GAS7: variants seen among roughly 807,000 people sequenced by gnomAD.
GAS7 encodes the protein growth arrest specific 7, also known as growth arrest-specific protein 7.
GAS7 carries 28 observed loss-of-function variants against 71.1 expected under a neutral mutation model. That is an observed-to-expected ratio of 0.39 (90% CI 0.29 to 0.54). The LOEUF is 0.54. GAS7 is among the 20% of genes least tolerant of loss of function. The pLI is 0.62. For synonymous variants in GAS7, 258 were observed against 245.8 expected, an observed-to-expected ratio of 1.05 and a Z score of -0.46; for missense variants, 436 against 627.8, an observed-to-expected ratio of 0.69 and a Z score of 3.27.
intron 1 of GAS7, among the ~76,000 whole-genome samples, chr17:10,040,652 T>C (rs1334954587): frequency 2.0e-5 from 3 of 147,254 alleles, no homozygotes; most frequent in African/African-American, 7.6e-5. Context: ...ACTTGCAAAA[T>C]GGTCCCAAAC....
chr17:9,965,725 C>A (rs1239201170), intron 4 of GAS7, among the ~76,000 whole-genome samples: 2 of 152,206 alleles, frequency 1.3e-5, no homozygotes, highest in Non-Finnish European at 2.9e-5. Context: ...CGCCTCTGCC[C>A]CCGAATCAGG....
At chr17:10,194,722 C>A (rs1009155174) in intron 1 of GAS7, among the ~76,000 whole-genome samples, 1 of 152,048 alleles carries the variant, frequency 6.6e-6, no homozygotes, top group African/African-American at 2.4e-5. Context: ...GCCTGTAATC[C>A]CAGCACTTTG....
intron 1 of GAS7, among the ~76,000 whole-genome samples, chr17:10,075,310 G>C (rs1345564021): frequency 6.6e-6 from 1 of 151,404 alleles, no homozygotes; most frequent in Non-Finnish European, 1.5e-5. Context: ...AGCTGTGATT[G>C]TGCCACTGTA....
chr17:10,186,694 C>A (rs2074456479), intron 1 of GAS7, among the ~76,000 whole-genome samples: 1 of 152,146 alleles, frequency 6.6e-6, no homozygotes, highest in Non-Finnish European at 1.5e-5. Flanking sequence ...GCGTGAGCCA[C>A]CGTGCCCGGC....
chr17:10,034,116 C>A lies in GAS7; in HGVS notation c.184-14219G>T. 1 of 985,236 alleles carries A rather than the reference C, an allele frequency of 1.0e-6. No individual in the cohort carries two copies. Among genetic ancestry groups the A allele is most frequent in the Non-Finnish European group, 1.2e-6 (1 of 829,770 alleles). The allele number at this position is 985,236 out of a possible 1,614,324, so 61.0% of individuals were successfully genotyped here. ...TATGGAGATGTGAGACCTACCACTG[C>A]TCTGTGCCACCGTGCGAAGAACACA... On this transcript the variant is annotated intron_variant, in intron 1 of 13. Transcript: ENST00000432992. This position sits in a 1 kb window ranked among gnomAD's most constrained non-coding sequence, Gnocchi z 4.4.
In GAS7 at chr17:9,919,257, C is replaced by T. The variant is rs1266926999; in HGVS notation, c.1218+369G>A. On this transcript the variant is annotated intron_variant, in intron 12 of 13. Coordinates refer to ENST00000432992, the MANE Select transcript of GAS7 (RefSeq NM_201433.2). This position sits in a 1 kb window ranked among gnomAD's most constrained non-coding sequence, Gnocchi z 5.0. ...AGGATCTCCTACCAAGGACCTGCAACTCGTGTGTGTGCATGTGTGGGGCGG... is the reference window on the plus strand; with the variant it reads ...AGGATCTCCTACCAAGGACCTGCAATTCGTGTGTGTGCATGTGTGGGGCGG... 2.0e-5 allele frequency among the ~76,000 whole-genome samples: 3 copies of T among 152,274 alleles called. No individual in the cohort carries two copies. Among genetic ancestry groups the T allele is most frequent in the East Asian group, 3.9e-4 (2 of 5,170 alleles).
intron 5 of GAS7, among the ~76,000 whole-genome samples, chr17:9,957,095 C>T (rs977589597): frequency 1.3e-5 from 2 of 150,888 alleles, no homozygotes; most frequent in African/African-American, 4.9e-5. Context: ...TGACCTCTGG[C>T]CAGTCGCTCC....
rs912710213 is a variant in GAS7, at chr17:9,919,180, C to T, written c.1218+446G>A. ...CCTGTTGTTCACCCTTGGTGAGAGGCCTCCCCCACCCCACTGCCTAGCTCC... is the reference window on the plus strand; with the variant it reads ...CCTGTTGTTCACCCTTGGTGAGAGGTCTCCCCCACCCCACTGCCTAGCTCC... On this transcript the variant is annotated intron_variant, in intron 12 of 13. Transcript: ENST00000432992. The surrounding 1 kb of genome is among the most constrained non-coding windows in gnomAD (Gnocchi z 5.0). Among the ~76,000 whole-genome samples, 12 of 93,992 alleles carry T rather than the reference C, an allele frequency of 1.3e-4. No individual in the cohort carries two copies. Among genetic ancestry groups the T allele is most frequent in the African/African-American group, 2.3e-4 (8 of 35,482 alleles). The allele number at this position is 93,992 out of a possible 152,430, so 61.7% of individuals were successfully genotyped here. A position where few individuals can be genotyped will look rare whatever the true frequency, so the allele number is the denominator to read the frequency against.
intron 2 of GAS7, among the ~76,000 whole-genome samples, chr17:10,002,188 T>G (rs2071293967): frequency 6.6e-6 from 1 of 152,172 alleles, no homozygotes; most frequent in Non-Finnish European, 1.5e-5. Flanking sequence ...AAATCTGAAA[T>G]CAAGATACTG....
intron 1 of GAS7, among the ~76,000 whole-genome samples, chr17:10,133,116 T>TATATATATATATATATATA (rs1319814933): frequency 2.1e-5 from 3 of 144,368 alleles, no homozygotes; most frequent in Non-Finnish European, 4.5e-5. Context: ...GATTATATAT[T>TATATATATATATATATATA]TTTATATTTT....
chr17:10,147,324 G>A (rs749088800), intron 1 of GAS7, among the ~76,000 whole-genome samples: 1 of 152,172 alleles, frequency 6.6e-6, no homozygotes, highest in Non-Finnish European at 1.5e-5. Context: ...TGGGGCTTGG[G>A]TGGGGGCAGA....
At chr17:10,113,716 G>T (rs1405114600) in intron 1 of GAS7, among the ~76,000 whole-genome samples, 6 of 152,148 alleles carry the variant, frequency 3.9e-5, no homozygotes, top group African/African-American at 1.4e-4. Flanking sequence ...ACTTCTGGAA[G>T]TACCCACAAG....
rs570537211 is a variant in GAS7, at chr17:10,137,075, C to T, written c.183+61133G>A. On this transcript the variant is annotated intron_variant, in intron 1 of 13. Transcript: ENST00000432992. ...GTTGCACTGAGCTGAGATCACGCCA[C>T]TGCACTACAGCCTGGGCAACCGAGC... Among the ~76,000 whole-genome samples the T allele has an allele frequency of 5.9e-5, 9 of 152,266 alleles. No individual in the cohort carries two copies. The South Asian group carries it at 1.9e-3, about 32-fold the overall frequency.
chr17:9,960,634 G>A (rs879255976), intron 4 of GAS7, among the ~76,000 whole-genome samples: 1 of 152,194 alleles, frequency 6.6e-6, no homozygotes, highest in Admixed American at 6.5e-5. Flanking sequence ...GCACGACCCT[G>A]GACACCTGGC....
Position 9,940,145 on chromosome 17 carries a change from A to G in GAS7, c.787T>C (p.Leu263=). ...KNLAKLSQNS[L]ASQEEGSLGE... is the part of the protein sequence containing the mutation. ...ACTCACCCTTCCTCCTGTGAAGCCA[A>G]GGAGTTCTGAGAGAGCTTAGCTAAG... Residue 263 remains leucine (L), a synonymous_variant, in exon 8 of 14, where the codon TTG becomes CTG. Transcript: ENST00000432992. 1 of 1,604,604 alleles carries G rather than the reference A, an allele frequency of 6.2e-7. No individual in the cohort carries two copies. The highest frequency in any genetic ancestry group is 8.5e-7 in the Non-Finnish European group (1 of 1,171,360).
At chr17:9,989,566 T>C (rs145669635) in intron 2 of GAS7, among the ~76,000 whole-genome samples, 3 of 152,200 alleles carry the variant, frequency 2.0e-5, no homozygotes, top group African/African-American at 7.2e-5. Flanking sequence ...AATTTTCTAA[T>C]GGGATTGGGG....
At chr17:10,027,261 T>C (rs185523679) in intron 1 of GAS7, among the ~76,000 whole-genome samples, 1 of 151,684 alleles carries the variant, frequency 6.6e-6, no homozygotes, top group Non-Finnish European at 1.5e-5. Flanking sequence ...AATGAATGAG[T>C]GAATGAAAAC....
chr17:10,148,436 C>T (rs898519293), intron 1 of GAS7, among the ~76,000 whole-genome samples: 3 of 144,904 alleles, frequency 2.1e-5, no homozygotes, highest in Non-Finnish European at 4.5e-5. Context: ...TGGTGAAACC[C>T]CGTCTCTACT....
chr17:9,963,353 A>G (rs1597560780), intron 4 of GAS7, among the ~76,000 whole-genome samples: 1 of 152,202 alleles, frequency 6.6e-6, no homozygotes, highest in Admixed American at 6.5e-5. Context: ...ATGTTCTAAA[A>G]TAGATTTGAT....
Sources: allele counts gnomAD v4.1 joint callset (sites outside exome capture counted in the v4.1 genomes callset), GRCh38; gene constraint gnomAD v4.1.1; non-coding constraint Gnocchi (gnomAD v3.1); transcripts MANE v1.5; gene names NCBI Gene and HGNC (gene_info 2026-07-23, HGNC 2026-07-21).